Variants in TIAM2 observed in about 807,000 individuals in gnomAD.
The protein encoded by TIAM2 is rho guanine nucleotide exchange factor TIAM2.
Under a neutral mutation model 152.9 loss-of-function variants are expected in TIAM2, and 80 were observed. The ratio of observed to expected loss-of-function variants is 0.52; its 90% confidence interval spans 0.44 to 0.63. The LOEUF (loss-of-function observed/expected upper bound fraction) is 0.63, where lower values mean the gene tolerates loss of function less well. TIAM2 is among the 30% of genes least tolerant of loss of function. The pLI is 0.00. For synonymous variants in TIAM2, 804 were observed against 838.0 expected (o/e 0.96, Z 0.70); for missense variants, 1,965 against 2,120.1 (o/e 0.93, Z 1.44).
At chr6:155,090,051 A>G (rs1306744145) in intron 1 of TIAM2, among the ~76,000 whole-genome samples, 1 of 152,154 alleles carries the variant, frequency 6.6e-6, no homozygotes, top group Admixed American at 6.5e-5. Context: ...TGGCTTAGTC[A>G]TGACATTATG....
intron 1 of TIAM2, among the ~76,000 whole-genome samples, chr6:155,050,574 G>A (rs6930469): frequency 0.43 from 65,037 of 152,106 alleles, 14,092 homozygotes; most frequent in Middle Eastern, 0.49. Flanking sequence ...GCTTACTGGA[G>A]GGGTCACACC....
chr6:155,193,134 G>A (rs1781250586), intron 14 of TIAM2, among the ~76,000 whole-genome samples: 1 of 152,212 alleles, frequency 6.6e-6, no homozygotes, highest in Non-Finnish European at 1.5e-5. Context: ...GCCAGTCACG[G>A]TGGCTCACAC....
rs558335165 is a variant in TIAM2 at position 155,110,199 on chromosome 6, C to T, written c.-117-17291C>T. Among the ~76,000 whole-genome samples, 40 of 152,058 alleles carry T rather than the reference C, an allele frequency of 2.6e-4. 1 individual carries two copies. The highest frequency in any genetic ancestry group is 5.9e-4 in the Admixed American group (9 of 15,266). On this transcript the variant is annotated intron_variant, in intron 2 of 26. Transcript: ENST00000682666. The stretch of plus-strand genomic sequence containing the variant: ...AACTCCTGATCTCAAGTGATCCGCC[C>T]GCCTTGAACTCCCAAAGTGTTAGGA...
chr6:155,018,094 C>T (rs941116598), intron 1 of TIAM2, among the ~76,000 whole-genome samples: 4 of 151,824 alleles, frequency 2.6e-5, no homozygotes, highest in Non-Finnish European at 1.5e-5. Flanking sequence ...CATTATGGGC[C>T]GGGCACAGTG....
intron 1 of TIAM2, among the ~76,000 whole-genome samples, chr6:155,077,661 A>G (rs1181821165): frequency 6.6e-6 from 1 of 152,206 alleles, no homozygotes; most frequent in Non-Finnish European, 1.5e-5. Context: ...GAGAACTAAC[A>G]TTTATTATTT....
intron 15 of TIAM2, among the ~76,000 whole-genome samples, chr6:155,221,404 A>G (rs1308463027): frequency 6.6e-6 from 1 of 152,194 alleles, no homozygotes; most frequent in African/African-American, 2.4e-5. Flanking sequence ...CTGAGGCCAC[A>G]CAAAGATTTG....
chr6:155,179,109 G>T lies in TIAM2; in HGVS notation c.2594G>T (p.Cys865Phe). ...RKLVDDNVEY[C>F]IPAPYEYMQQ... ...TTAGTAGATGACAATGTTGAGTATTGCATCCCTGCACCATATGAATATATG... is the reference window on the plus strand; with the variant it reads ...TTAGTAGATGACAATGTTGAGTATTTCATCCCTGCACCATATGAATATATG... The change falls in exon 11 of 27, where the codon TGC becomes TTC. Residue 865 changes from cysteine (C) to phenylalanine (F), a missense_variant. Transcript: ENST00000682666. The T allele has an allele frequency of 6.2e-7, 1 of 1,614,024 alleles. No homozygotes were observed. The highest frequency in any genetic ancestry group is 1.1e-5 in the South Asian group (1 of 91,066).
intron 7 of TIAM2, among the ~76,000 whole-genome samples, chr6:155,164,075 T>C (rs1326225737): frequency 6.7e-6 from 1 of 150,050 alleles, no homozygotes; most frequent in South Asian, 2.2e-4. Context: ...TTCTCCTGCC[T>C]CAGCCTCCAG....
chr6:155,192,018 A>G (rs983013036), intron 14 of TIAM2, among the ~76,000 whole-genome samples: 4 of 152,012 alleles, frequency 2.6e-5, no homozygotes, highest in East Asian at 1.9e-4. Flanking sequence ...GAGATGGGGG[A>G]TGGATTTTCA....
chr6:155,178,921 G>A (rs2115134656), intron 10 of TIAM2, 118 bp from the exon 11 acceptor site: 5 of 830,040 alleles, frequency 6.0e-6, no homozygotes, highest in East Asian at 5.4e-5. Flanking sequence ...TTTAAATTCA[G>A]CAAATTATAT....
At chr6:155,250,617 G>A (rs1029342445) in intron 21 of TIAM2, 12 of 1,535,822 alleles carry the variant, frequency 7.8e-6, no homozygotes, top group African/African-American at 2.7e-5. Flanking sequence ...GAAGAACCAC[G>A]GACACTGGTA....
At position 155,129,894 on chromosome 6, in the gene TIAM2, C is replaced by A. The variant is rs750915603; in HGVS notation, c.671C>A (p.Pro224His). The change falls in exon 4 of 27, where the codon CCC (proline) becomes CAC (histidine). Residue 224 changes from proline to histidine, a missense_variant. Around this residue, in one of 3 missense-constraint regions of TIAM2, gnomAD observed 1,025 missense variants for 1,119.4 expected, o/e 0.92. Transcript: ENST00000682666. The surrounding 1 kb of genome is among the most constrained non-coding windows in gnomAD (Gnocchi z 4.8). ...AGGGGGTCCAGCGCCGATTCCCTGC[C>A]CAGCCATCGCCCCTCTCCCACGGAC... Reference protein sequence around the residue: ...ARRGSSADSLPSHRPSPTDSR... With the variant: ...ARRGSSADSLHSHRPSPTDSR... The A allele has an allele frequency of 6.2e-7, 1 of 1,613,730 alleles. No individual in the cohort carries two copies. Among genetic ancestry groups the A allele is most frequent in the East Asian group, 2.2e-5 (1 of 44,882 alleles).
chr6:155,234,686 T>C (rs2115284812), intron 15 of TIAM2, among the ~76,000 whole-genome samples: 1 of 152,380 alleles, frequency 6.6e-6, no homozygotes, highest in Admixed American at 6.5e-5. Context: ...ATTACAGGCA[T>C]GAGCCACTGT....
At chr6:155,123,215 C>G (rs545903318) in intron 2 of TIAM2, among the ~76,000 whole-genome samples, 1 of 151,596 alleles carries the variant, frequency 6.6e-6, no homozygotes, top group Admixed American at 6.6e-5. Flanking sequence ...CCAGGATTGA[C>G]CCAACATTGC....
At chr6:155,143,746 C>T (rs1023806773) in intron 5 of TIAM2, among the ~76,000 whole-genome samples, 22 of 152,122 alleles carry the variant, frequency 1.4e-4, no homozygotes, top group African/African-American at 5.3e-4. Context: ...GCCAGAGGGC[C>T]TGAGTTCACA....
At chr6:155,010,380 C>T (rs1270476354) in intron 1 of TIAM2, among the ~76,000 whole-genome samples, 1 of 152,220 alleles carries the variant, frequency 6.6e-6, no homozygotes, top group East Asian at 1.9e-4. Context: ...GTTTGGGTAA[C>T]ACTGATGTGG....
Position 155,138,125 on chromosome 6 carries a change from G to A in TIAM2, c.1630+513G>A, listed in dbSNP as rs145306432. On this transcript the variant is annotated intron_variant, in intron 5 of 26. Coordinates refer to ENST00000682666, the MANE Select transcript of TIAM2 (RefSeq NM_012454.4). ...CAAAGTGCTGGGATTATAGGCATGA[G>A]CCACTGCACCCGGCCTATTATAATG... Among the ~76,000 whole-genome samples, 1,115 of 152,312 alleles carry A rather than the reference G, an allele frequency of 7.3e-3. 11 individuals carry two copies. The highest frequency in any genetic ancestry group is 0.025 in the African/African-American group (1,055 of 41,566).
chr6:155,052,032 G>T (rs1370506637), intron 1 of TIAM2, among the ~76,000 whole-genome samples: 1 of 152,034 alleles, frequency 6.6e-6, no homozygotes, highest in East Asian at 1.9e-4. Context: ...GTTTCCCCAA[G>T]CCTGTTCAAT....
At chr6:155,179,011 A>G (rs1339978133) in intron 10 of TIAM2, 28 bp from the exon 11 acceptor site, 2 of 1,547,170 alleles carry the variant, frequency 1.3e-6, no homozygotes, top group Admixed American at 1.8e-5. Flanking sequence ...AGCATTTAAA[A>G]TCTGAATAAC....
Sources: allele counts gnomAD v4.1 joint callset (sites outside exome capture counted in the v4.1 genomes callset), GRCh38; gene constraint gnomAD v4.1.1; regional missense constraint gnomAD v4.1.1; non-coding constraint Gnocchi (gnomAD v3.1); transcripts MANE v1.5; gene names NCBI Gene and HGNC (gene_info 2026-07-23, HGNC 2026-07-21).